Variants in KIF7 observed in about 807,000 individuals in gnomAD.
KIF7 encodes the protein kinesin family member 7, also known as kinesin-like protein KIF7.
Under a neutral mutation model 135.7 loss-of-function variants are expected in KIF7, and 104 were observed. The ratio of observed to expected loss-of-function variants is 0.77; its 90% CI spans 0.65 to 0.90. The LOEUF (loss-of-function observed/expected upper bound fraction) is 0.90, where lower values mean the gene tolerates loss of function less well. Among genes scored for constraint, KIF7 ranks in the 40% least tolerant of loss-of-function variants. The pLI, the probability that KIF7 is intolerant of heterozygous loss-of-function variation, is 0.00. For synonymous variants in KIF7, 883 were observed against 809.4 expected (o/e 1.09, Z -1.54); for missense variants, 2,005 against 1,839.1 (o/e 1.09, Z -1.65).
upstream of KIF7, among the ~76,000 whole-genome samples, chr15:89,657,394 A>C (rs1964218998): frequency 6.6e-6 from 1 of 152,050 alleles, no homozygotes; most frequent in Non-Finnish European, 1.5e-5. Context: ...GAAAATAAAA[A>C]CTTTCATGTT....
intron 1 of KIF7, among the ~76,000 whole-genome samples, chr15:89,654,331 A>G (rs1338066092): frequency 2.8e-3 from 1 of 354 alleles, no homozygotes; most frequent in Non-Finnish European, 0.014. Flanking sequence ...TATTAAGGGG[A>G]AAAAAAAAAA....
Position 89,645,433 on chromosome 15 carries a change from G to C in KIF7, c.1941C>G (p.Cys647Trp). 1.2e-6 allele frequency: 2 copies of C among 1,613,358 alleles called. No individual in the cohort carries two copies. Among genetic ancestry groups the C allele is most frequent in the South Asian group, 2.2e-5 (2 of 90,994 alleles). The change falls in exon 9 of 19, where the codon TGC becomes TGG. Residue 647 changes from cysteine (C) to tryptophan (W), a missense_variant. Physicochemically the swap from Cys to Trp is radical, Grantham distance 215. Coordinates refer to ENST00000394412, the MANE Select transcript of KIF7 (RefSeq NM_198525.3). ...CTGGGCGTGCCCCCGCCCTCTGACT[G>C]CAGTTGCTGATCCTATTTCTGGAGG... is the stretch of plus-strand genomic sequence containing the variant. ...LHLRRNRISN[C>W]SQRAGARPGS... is the part of the protein sequence containing the mutation.
chr15:89,649,850 C>T lies in KIF7; in HGVS notation c.420G>A (p.Leu140=). The change falls in exon 3 of 19, where the codon CTG becomes CTA. Residue 140 remains leucine (L), a synonymous_variant. Transcript: ENST00000394412. ...ACACTTCCAGGTAGGACACATGTAC[C>T]AGACAGTCAAGCAGGTCGTTCTCAT... ...LIDENDLLDC[L]VHVSYLEVYK... The T allele has an allele frequency of 1.3e-6, 2 of 1,551,820 alleles. No homozygotes were observed. Among genetic ancestry groups the T allele is most frequent in the Non-Finnish European group, 1.7e-6 (2 of 1,147,020 alleles).
chr15:89,633,905 C>A, intron 11 of KIF7, 22 bp from the exon 12 acceptor site: 1 of 1,613,220 alleles, frequency 6.2e-7, no homozygotes, highest in South Asian at 1.1e-5. Flanking sequence ...ACAGTCTTCA[C>A]TGGGCCATGC....
At chr15:89,620,470 A>C (rs1935603916) in intron 1 of KIF7, among the ~76,000 whole-genome samples, 1 of 152,042 alleles carries the variant, frequency 6.6e-6, no homozygotes, top group Non-Finnish European at 1.5e-5. Flanking sequence ...GGCCTCCCAA[A>C]GTGCTGGGAT....
downstream of KIF7, chr15:89,624,232 C>T (rs1386888115): frequency 1.2e-6 from 2 of 1,614,158 alleles, no homozygotes; most frequent in Admixed American, 1.7e-5. Context: ...ACCTGTTACG[C>T]CAAAGAAACT....
At chr15:89,645,206 A>C in intron 9 of KIF7, 41 bp from the exon 10 acceptor site, 1 of 1,606,098 alleles carries the variant, frequency 6.2e-7, no homozygotes, top group Non-Finnish European at 8.5e-7. Context: ...CCCAACTGAC[A>C]GTGGGGGAGA....
rs747829509 is a variant in KIF7 at position 89,628,435 on chromosome 15, C to A, written c.4016G>T (p.Arg1339Leu). 1 of 1,606,232 alleles carries A rather than the reference C, an allele frequency of 6.2e-7. No individual in the cohort carries two copies. The highest frequency in any genetic ancestry group is 1.1e-5 in the South Asian group (1 of 90,296). Residue 1339 changes from arginine (R) to leucine (L), a missense_variant, in exon 19 of 19, where the codon CGG (arginine) becomes CTG (leucine). Coordinates refer to ENST00000394412, the MANE Select transcript of KIF7 (RefSeq NM_198525.3). ...RRASPGMIDV[R>L]KNPL ...CCCGAGGGCTTACAGGGGGTTTTTCCGGACATCAATCATCCCCGGGCTGGC... is the reference window on the plus strand; with the variant it reads ...CCCGAGGGCTTACAGGGGGTTTTTCAGGACATCAATCATCCCCGGGCTGGC...
downstream of KIF7, chr15:89,626,811 C>G: frequency 2.3e-6 from 2 of 864,524 alleles, no homozygotes; most frequent in Admixed American, 2.3e-5. Flanking sequence ...GTGTAGGTAC[C>G]ATTTCTGTAG....
intron 2 of KIF7, among the ~76,000 whole-genome samples, chr15:89,650,682 G>A (rs984654742): frequency 1.3e-5 from 2 of 151,880 alleles, no homozygotes; most frequent in South Asian, 4.2e-4. Flanking sequence ...ATGAGCCACC[G>A]CACCTAACCA....
intron 11 of KIF7, among the ~76,000 whole-genome samples, chr15:89,640,939 G>T (rs1410876325): frequency 6.6e-6 from 1 of 152,098 alleles, no homozygotes; most frequent in Non-Finnish European, 1.5e-5. Flanking sequence ...GGAGGCGGAG[G>T]TTGCAGTAAG....
chr15:89,633,830 C>G lies in KIF7; in HGVS notation c.2448G>C (p.Gln816His), dbSNP rs1269284205. Residue 816 changes from glutamine (Q) to histidine (H), a missense_variant, in exon 12 of 19, where the codon CAG becomes CAC. Coordinates refer to ENST00000394412, the MANE Select transcript of KIF7 (RefSeq NM_198525.3). ...CGAGCTCCTGCAGTCGCTTCTCACT[C>G]TGGGCCGACAGTGACACCAGCCGCT... ...ATERLVSLSA[Q>H]SEKRLQELER... The G allele has an allele frequency of 2.5e-6, 4 of 1,613,516 alleles. No individual in the cohort carries two copies. Among genetic ancestry groups the G allele is most frequent in the Non-Finnish European group, 3.4e-6 (4 of 1,180,042 alleles).
At chr15:89,625,596 C>T (rs373209536), downstream of KIF7, 9 of 1,613,026 alleles carry the variant, frequency 5.6e-6, no homozygotes, top group South Asian at 5.5e-5. Context: ...CCGAGGAAGC[C>T]TCTTCCTGGG....
upstream of KIF7, among the ~76,000 whole-genome samples, chr15:89,656,372 T>G (rs1470691795): frequency 6.6e-6 from 1 of 151,712 alleles, no homozygotes; most frequent in African/African-American, 2.4e-5. Context: ...TTTTTTTTTT[T>G]GCCATCAACT....
intron 11 of KIF7, among the ~76,000 whole-genome samples, chr15:89,641,355 A>C (rs1026490238): frequency 6.6e-6 from 1 of 152,168 alleles, no homozygotes; most frequent in Non-Finnish European, 1.5e-5. Context: ...AGCTGGGAGA[A>C]ACTAAACTTC....
At chr15:89,625,199 C>G, downstream of KIF7, 7 of 1,613,828 alleles carry the variant, frequency 4.3e-6, no homozygotes, top group Non-Finnish European at 5.1e-6. Flanking sequence ...CCCCGCCTCT[C>G]CCACAGCACA....
rs2142036425 is a variant in KIF7 at position 89,652,725 on chromosome 15, G to A, written c.206C>T (p.Ala69Val). The change falls in exon 2 of 19, where the codon GCC becomes GTC. Residue 69 changes from alanine to valine, a missense_variant. Physicochemically the swap from Ala to Val is moderately conservative, Grantham distance 64. Coordinates refer to ENST00000394412, the MANE Select transcript of KIF7 (RefSeq NM_198525.3). ...GGGCTGAACGCAGGCCTGGTACACG[G>A]CCTCCTGCCCCGCATCCTCGGCCAG... ...VVLAEDAGQE[A>V]VYQACVQPLL... The A allele has an allele frequency of 6.4e-7, 1 of 1,551,756 alleles. No homozygotes were observed. The highest frequency in any genetic ancestry group is 1.2e-5 in the South Asian group (1 of 84,058).
chr15:89,641,153 G>A (rs919255170), intron 11 of KIF7, among the ~76,000 whole-genome samples: 2 of 152,208 alleles, frequency 1.3e-5, no homozygotes, highest in African/African-American at 4.8e-5. Context: ...TAGTTTAAAT[G>A]AGGACATTAG....
chr15:89,631,398 G>T (rs1184733489), intron 15 of KIF7, 97 bp downstream of exon 15: 5 of 1,145,458 alleles, frequency 4.4e-6, no homozygotes, highest in Non-Finnish European at 4.9e-6. Flanking sequence ...CGACAGCAAG[G>T]CCCAGCACCC....
Sources: allele counts gnomAD v4.1 joint callset (sites outside exome capture counted in the v4.1 genomes callset), GRCh38; gene constraint gnomAD v4.1.1; transcripts MANE v1.5; gene names NCBI Gene and HGNC (gene_info 2026-07-23, HGNC 2026-07-21).